Variants in TMEM170A observed in about 807,000 individuals in gnomAD.
TMEM170A encodes the protein transmembrane protein 170A, also known as transmembrane protein 170.
TMEM170A carries 18 observed loss-of-function variants against 12.8 expected under a neutral mutation model. That is an observed-to-expected ratio of 1.41 (90% CI 0.97 to 2.09). TMEM170A has a LOEUF of 2.09. TMEM170A is among the 30% of genes most tolerant of loss of function. The pLI is 0.00. For synonymous variants in TMEM170A, 107 were observed against 76.2 expected, an observed-to-expected ratio of 1.40 and a Z score of -2.11; for missense variants, 220 against 179.9, an observed-to-expected ratio of 1.22 and a Z score of -1.28.
chr16:75,462,680 TAAAAAATTCA>T, intron 1 of TMEM170A, among the ~76,000 whole-genome samples: 1 of 152,238 alleles, frequency 6.6e-6, no homozygotes, highest in Non-Finnish European at 1.5e-5. Context: ...ATGTCCATCT[TAAAAAATTCA>T]AACAAGGAAG....
chr16:75,458,264 G>A (rs1036209944), intron 1 of TMEM170A: 3 of 152,204 alleles, frequency 2.0e-5, no homozygotes, highest in African/African-American at 4.8e-5. Flanking sequence ...AATACAATAT[G>A]ATATTGGAAA....
rs1357253486 is a variant in TMEM170A, at chr16:75,444,325, GGAC to G, written c.*3230_*3232del. 1 of 152,186 alleles carries G rather than the reference GGAC, an allele frequency of 6.6e-6. No individual in the cohort carries two copies. Among genetic ancestry groups the G allele is most frequent in the Non-Finnish European group, 1.5e-5 (1 of 68,252 alleles). 9.4% of individuals were successfully genotyped at this position (152,186 alleles called of 1,614,324 possible). On this transcript the variant is annotated 3_prime_UTR_variant, in exon 3 of 3. Transcript: ENST00000561878. Reference sequence around the variant, plus strand: ...CAAAAAATTAGCTGGGCATGGTGGTGGACGTCCGTAGTCCCAGCTACTCGGGAG... The same window carrying G: ...CAAAAAATTAGCTGGGCATGGTGGTGGTCCGTAGTCCCAGCTACTCGGGAG...
rs749046030 is a variant in TMEM170A at position 75,443,881 on chromosome 16, G to A, written c.*3677C>T. On this transcript the variant is annotated 3_prime_UTR_variant, in exon 3 of 3. Coordinates refer to ENST00000561878, the MANE Select transcript of TMEM170A (RefSeq NM_145254.3). ...AGGCGGGTGGATCACTTGAAGTCAG[G>A]AGTTTGAGACCAGCCTGTCCAACAT... 1 of 152,148 alleles carries A rather than the reference G, an allele frequency of 6.6e-6. No individual in the cohort carries two copies. Among genetic ancestry groups the A allele is most frequent in the Non-Finnish European group, 1.5e-5 (1 of 68,048 alleles). The allele number at this position is 152,148 out of a possible 1,614,324, so 9.4% of individuals were successfully genotyped here.
chr16:75,459,713 C>T (rs561783032), intron 1 of TMEM170A, among the ~76,000 whole-genome samples: 12 of 151,922 alleles, frequency 7.9e-5, no homozygotes, highest in Non-Finnish European at 1.6e-4. Context: ...AAAATTTAGC[C>T]GGGTTTGGTG....
At position 75,443,981 on chromosome 16, in the gene TMEM170A, C is replaced by T. The variant is rs1020822976; in HGVS notation, c.*3577G>A. On this transcript the variant is annotated 3_prime_UTR_variant, in exon 3 of 3. Transcript: ENST00000561878. ...GCGGGTGCCAGTAATCCTAGCTACTCAGCGGCCAAGGCAGGACAATCACTT... is the reference window on the plus strand; with the variant it reads ...GCGGGTGCCAGTAATCCTAGCTACTTAGCGGCCAAGGCAGGACAATCACTT... 1 of 151,750 alleles carries T rather than the reference C, an allele frequency of 6.6e-6. No homozygotes were observed. 9.4% of individuals were successfully genotyped at this position (151,750 alleles called of 1,614,324 possible).
intron 1 of TMEM170A, among the ~76,000 whole-genome samples, chr16:75,453,318 T>C (rs2151635571): frequency 6.6e-6 from 1 of 152,226 alleles, no homozygotes; most frequent in Non-Finnish European, 1.5e-5. Flanking sequence ...CCTGTAGTCC[T>C]AGCTACTCGA....
intron 1 of TMEM170A, among the ~76,000 whole-genome samples, chr16:75,460,208 A>C (rs894129117): frequency 2.0e-5 from 3 of 152,208 alleles, no homozygotes; most frequent in Admixed American, 6.5e-5. Context: ...TAAGTTTCTT[A>C]AGTTTCTTCT....
Position 75,446,228 on chromosome 16 carries a change from G to T in TMEM170A, c.*1330C>A, listed in dbSNP as rs2079583884. 6.7e-6 allele frequency: 1 copy of T among 150,074 alleles called. No individual in the cohort carries two copies. The highest frequency in any genetic ancestry group is 2.4e-5 in the African/African-American group (1 of 40,830). 9.3% of individuals were successfully genotyped at this position (150,074 alleles called of 1,614,324 possible). On this transcript the variant is annotated 3_prime_UTR_variant, in exon 3 of 3. Transcript: ENST00000561878. The stretch of plus-strand genomic sequence containing the variant: ...AGATTTAATCACCAGAAACTATTTT[G>T]CAGATAACCACCACCACTACCACCA...
Position 75,443,590 on chromosome 16 carries a change from A to G in TMEM170A, c.*3968T>C, listed in dbSNP as rs1015628189. 6.6e-6 allele frequency: 1 copy of G among 152,220 alleles called. No individual in the cohort carries two copies. Among genetic ancestry groups the G allele is most frequent in the African/African-American group, 2.4e-5 (1 of 41,462 alleles). 9.4% of individuals were successfully genotyped at this position (152,220 alleles called of 1,614,324 possible). On this transcript the variant is annotated 3_prime_UTR_variant, in exon 3 of 3. Transcript: ENST00000561878. The stretch of plus-strand genomic sequence containing the variant: ...AGAAAGGATACTGGAGGCAAAAGCC[A>G]AAATACAATTTAAAATCTTAAAAAA...
intron 1 of TMEM170A, among the ~76,000 whole-genome samples, chr16:75,462,725 A>G (rs2079929115): frequency 6.6e-6 from 1 of 152,256 alleles, no homozygotes. Context: ...AAATGAAACT[A>G]AAGAGACGGA....
intron 1 of TMEM170A, among the ~76,000 whole-genome samples, chr16:75,462,265 G>T (rs1834013): frequency 0.53 from 80,279 of 152,136 alleles, 23,062 homozygotes; most frequent in Admixed American, 0.67. Context: ...TGTCACCCAG[G>T]CTAAAGTGCA....
chr16:75,451,267 G>A (rs992429313), intron 2 of TMEM170A, among the ~76,000 whole-genome samples: 2 of 151,976 alleles, frequency 1.3e-5, no homozygotes, highest in Admixed American at 6.6e-5. Flanking sequence ...TAAAAAAACT[G>A]GGCCAGGCAC....
chr16:75,464,405 C>T (rs529215872), intron 1 of TMEM170A, 63 bp downstream of exon 1: 15 of 1,384,362 alleles, frequency 1.1e-5, no homozygotes, highest in Non-Finnish European at 1.4e-5. Flanking sequence ...AGACTCGGGG[C>T]GCCCACAGCA....
At chr16:75,452,148 T>C (rs1446227947) in intron 1 of TMEM170A, among the ~76,000 whole-genome samples, 1 of 152,136 alleles carries the variant, frequency 6.6e-6, no homozygotes, top group Admixed American at 6.6e-5. Context: ...ATTTTTTGTA[T>C]TTTTAGTAGA....
At chr16:75,448,718 C>A (rs942059625) in intron 2 of TMEM170A, among the ~76,000 whole-genome samples, 1 of 151,474 alleles carries the variant, frequency 6.6e-6, no homozygotes, top group African/African-American at 2.4e-5. Flanking sequence ...GAGCTCACAT[C>A]GCGACACTGC....
intron 1 of TMEM170A, among the ~76,000 whole-genome samples, chr16:75,463,068 CAGAG>C (rs144489610): frequency 2.6e-5 from 4 of 151,918 alleles, no homozygotes; most frequent in Non-Finnish European, 5.9e-5. Flanking sequence ...AGAAAGAGAG[CAGAG>C]AGAGAGAAAG....
intron 2 of TMEM170A, 125 bp downstream of exon 2, chr16:75,451,544 T>G (rs999405446): frequency 1.0e-6 from 1 of 994,136 alleles, no homozygotes; most frequent in African/African-American, 1.6e-5. Context: ...AGGGAGACCC[T>G]GTCTGGACTT....
chr16:75,451,760 G>T lies in TMEM170A; in HGVS notation c.213C>A (p.Phe71Leu). 6.2e-7 allele frequency: 1 copy of T among 1,614,158 alleles called. No individual in the cohort carries two copies. Among genetic ancestry groups the T allele is most frequent in the African/African-American group, 1.3e-5 (1 of 75,044 alleles). Residue 71 changes from phenylalanine to leucine, a missense_variant, in exon 2 of 3, where the codon TTC becomes TTA. By Grantham distance (22) the Phe-to-Leu change is conservative (BLOSUM62 0). Transcript: ENST00000561878. ...TACCATATTTGTGATGTCTGAGGGT[G>T]AAGAGGGCCAGTAATCCAGCAGGGA... ...FHVPAGLLAL[F>L]TLRHHKYGRF...
chr16:75,449,331 A>ATTT lies in TMEM170A; in HGVS notation c.305-1646_305-1644dup, dbSNP rs10680885. Among the ~76,000 whole-genome samples, 491 of 147,904 alleles carry ATTT rather than the reference A, an allele frequency of 3.3e-3. 5 individuals carry two copies. The highest frequency in any genetic ancestry group is 4.7e-3 in the African/African-American group (189 of 40,394). ...ATACAGTGTCTCAATCACGTTTACA[A>ATTT]TTTTTTTTTTTTTTGAGACAGTGTC... On this transcript the variant is annotated intron_variant, in intron 2 of 2. Transcript: ENST00000561878.
Sources: gnomAD v4.1 joint callset for allele counts (sites outside exome capture counted in the v4.1 genomes callset) on GRCh38, gnomAD v4.1.1 for gene constraint, MANE v1.5 for transcripts, NCBI Gene and HGNC (gene_info 2026-07-23, HGNC 2026-07-21) for gene names.